DEPDC5: variants seen among roughly 807,000 people sequenced by gnomAD.
DEPDC5 encodes the protein GATOR1 complex protein DEPDC5.
Under a neutral mutation model 217.3 loss-of-function variants are expected in DEPDC5, and 73 were observed. The ratio of observed to expected loss-of-function variants is 0.34; its 90% confidence interval spans 0.28 to 0.41. The LOEUF (loss-of-function observed/expected upper bound fraction) is 0.41. Among genes scored for constraint, DEPDC5 ranks in the 10% least tolerant of loss-of-function variants. DEPDC5 has a pLI of 1.00. For missense variants in DEPDC5, 1,675 were observed against 2,070.1 expected, an observed-to-expected ratio of 0.81 and a Z score of 3.70; for synonymous variants, 733 against 756.7, an observed-to-expected ratio of 0.97 and a Z score of 0.51.
rs562146413 is a variant in DEPDC5, at chr22:31,763,373, C to T, written c.194-1602C>T. Among the ~76,000 whole-genome samples, 14 of 152,202 alleles carry T rather than the reference C, an allele frequency of 9.2e-5. No individual in the cohort carries two copies. In the South Asian group the frequency reaches 2.7e-3, roughly 29 times the overall value. The stretch of plus-strand genomic sequence containing the variant: ...TTCCTCACCCCAGGTGATCTGCCTG[C>T]CTCAACCTCCCAAAGTCCTGGGATT... On this transcript the variant is annotated intron_variant, in intron 4 of 42. Transcript: ENST00000651528.
At chr22:31,902,408 T>TTATTTATATATATATATATATATATATA (rs1555938650) in intron 41 of DEPDC5, among the ~76,000 whole-genome samples, 1 of 111,948 alleles carries the variant, frequency 8.9e-6, no homozygotes, top group African/African-American at 3.4e-5. Context: ...CATCTCCTTA[T>TTATTTATATATATATATATATATATATA]TATATATATA....
intron 40 of DEPDC5, among the ~76,000 whole-genome samples, chr22:31,900,662 CTGGGAGGCAGAGGTTG>C (rs1326774365): frequency 6.6e-6 from 1 of 151,906 alleles, no homozygotes; most frequent in Non-Finnish European, 1.5e-5. Flanking sequence ...TCACTTGAGC[CTGGGAGGCAGAGGTTG>C]TGGTGAGCCG....
intron 17 of DEPDC5, chr22:31,805,177 T>G: frequency 3.8e-6 from 1 of 260,720 alleles, no homozygotes; most frequent in South Asian, 5.4e-5. Flanking sequence ...TATTCCCAAC[T>G]CCCACAGACT....
intron 29 of DEPDC5, among the ~76,000 whole-genome samples, chr22:31,844,485 G>A (rs760210817): frequency 1.3e-5 from 2 of 152,080 alleles, no homozygotes; most frequent in Non-Finnish European, 2.9e-5. Context: ...CAGGGATGAC[G>A]TGCCCTTGAT....
chr22:31,863,991 A>G (rs149528419), intron 33 of DEPDC5, among the ~76,000 whole-genome samples: 21 of 152,242 alleles, frequency 1.4e-4, no homozygotes, highest in Admixed American at 1.4e-3. Context: ...ATTAAATTGT[A>G]CCTTATGTTT....
At chr22:31,875,170 G>C (rs1486430682) in intron 36 of DEPDC5, 2 of 166,976 alleles carry the variant, frequency 1.2e-5, no homozygotes, top group Non-Finnish European at 2.9e-5. Flanking sequence ...ATTTGAAAAA[G>C]CATGTGATTC....
intron 24 of DEPDC5, 117 bp from the exon 25 acceptor site, chr22:31,833,798 T>C: frequency 1.3e-6 from 1 of 766,696 alleles, no homozygotes; most frequent in Non-Finnish European, 2.1e-6. Context: ...AGCACAGAAT[T>C]TGCACTTGGT....
At chr22:31,789,010 C>T (rs1601847611) in intron 10 of DEPDC5, among the ~76,000 whole-genome samples, 1 of 152,278 alleles carries the variant, frequency 6.6e-6, no homozygotes, top group East Asian at 1.9e-4. Flanking sequence ...GATTCTCGTC[C>T]CTCAGCCTGC....
rs2093774555 is a variant in DEPDC5, at chr22:31,907,640, C to T, written c.*1143C>T. The T allele has an allele frequency of 6.6e-6, 1 of 152,396 alleles. No individual in the cohort carries two copies. Among genetic ancestry groups the T allele is most frequent in the Non-Finnish European group, 1.5e-5 (1 of 68,190 alleles). The allele number at this position is 152,396 out of a possible 1,614,324, so 9.4% of individuals were successfully genotyped here. A position where few individuals can be genotyped will look rare whatever the true frequency, so the allele number is the denominator to read the frequency against. ...CTCACCTCAGGCGATCCACCCACCT[C>T]AGCCTCCCAAAGTGCTGGGATTACA... On this transcript the variant is annotated 3_prime_UTR_variant, in exon 43 of 43. Coordinates refer to ENST00000651528, the MANE Select transcript of DEPDC5 (RefSeq NM_001242896.3).
intron 39 of DEPDC5, among the ~76,000 whole-genome samples, chr22:31,896,823 A>T (rs1387434900): frequency 6.6e-6 from 1 of 152,118 alleles, no homozygotes; most frequent in Non-Finnish European, 1.5e-5. Context: ...AACTTATTAA[A>T]TTCCTGGTAA....
chr22:31,901,003 G>T (rs1346872429), intron 40 of DEPDC5, among the ~76,000 whole-genome samples: 1 of 152,192 alleles, frequency 6.6e-6, no homozygotes, highest in African/African-American at 2.4e-5. Context: ...AGCACTTTGG[G>T]AGGCCGACGC....
At chr22:31,815,629 A>C in intron 21 of DEPDC5, 1 of 585,296 alleles carries the variant, frequency 1.7e-6, no homozygotes, top group Non-Finnish European at 3.0e-6. Context: ...GAACTCCTGG[A>C]CTCAATTGAT....
chr22:31,809,643 T>A lies in DEPDC5; in HGVS notation c.1320T>A (p.Asp440Glu), dbSNP rs746722090. ...PASEKAKNGR[D>E]TSLGSPKESE... is the part of the protein sequence containing the mutation. ...CTGAGAAAGCAAAAAATGGCCGTGA[T>A]ACATGTGAGTATTTTTTGAGATTTT... Residue 440 changes from aspartate to glutamate, a missense_variant, in exon 19 of 43, where the codon GAT becomes GAA. Coordinates refer to ENST00000651528, the MANE Select transcript of DEPDC5 (RefSeq NM_001242896.3). 6.2e-7 allele frequency: 1 copy of A among 1,614,060 alleles called. No individual in the cohort carries two copies. The highest frequency in any genetic ancestry group is 2.2e-5 in the East Asian group (1 of 44,886).
intron 34 of DEPDC5, 33 bp from the exon 35 acceptor site, chr22:31,873,222 C>A: frequency 6.2e-7 from 1 of 1,613,888 alleles, no homozygotes; most frequent in Non-Finnish European, 8.5e-7. Flanking sequence ...TACGTGCCAT[C>A]TTGCTTTGCT....
chr22:31,759,698 T>A (rs944193110), intron 3 of DEPDC5, among the ~76,000 whole-genome samples: 1 of 140,018 alleles, frequency 7.1e-6, no homozygotes, highest in Non-Finnish European at 1.6e-5. Flanking sequence ...TTTTTTTTTT[T>A]AAGAGACAGA....
intron 11 of DEPDC5, among the ~76,000 whole-genome samples, 155 bp downstream of exon 11, chr22:31,792,257 C>T (rs912499512): frequency 2.6e-5 from 4 of 152,122 alleles, no homozygotes; most frequent in South Asian, 4.1e-4. Context: ...TAGCACAGTC[C>T]GTTAGTGGAT....
intron 38 of DEPDC5, among the ~76,000 whole-genome samples, chr22:31,884,332 A>T (rs2093253792): frequency 6.6e-6 from 1 of 152,064 alleles, no homozygotes; most frequent in African/African-American, 2.4e-5. Flanking sequence ...ATCCCTGTCG[A>T]TCTGTGACAG....
At position 31,861,441 on chromosome 22, in the gene DEPDC5, C is replaced by T. The variant is rs2149154018; in HGVS notation, c.3330+8C>T. The T allele has an allele frequency of 6.4e-6, 10 of 1,551,434 alleles. No individual in the cohort carries two copies. On this transcript the variant is annotated splice_region_variant and intron_variant, in intron 33 of 42. Transcript: ENST00000651528. ...TCCGCCTTCTACCCTCAGGTTAGTC[C>T]AACTCCAGGGCTTCGCATGCCTGTC...
intron 38 of DEPDC5, among the ~76,000 whole-genome samples, chr22:31,886,142 C>G (rs2093306727): frequency 6.6e-6 from 1 of 152,148 alleles, no homozygotes; most frequent in Non-Finnish European, 1.5e-5. Flanking sequence ...CCACCTGAGC[C>G]TCCCAAGTAG....
Sources: gnomAD v4.1 joint callset for allele counts (sites outside exome capture counted in the v4.1 genomes callset) on GRCh38, gnomAD v4.1.1 for gene constraint, MANE v1.5 for transcripts, NCBI Gene and HGNC (gene_info 2026-07-23, HGNC 2026-07-21) for gene names.